Variants in NRXN3 observed in about 807,000 individuals in gnomAD.
NRXN3 encodes the protein neurexin III.
In NRXN3, 32 loss-of-function variants were observed where a neutral mutation model predicts 137.6. The ratio of observed to expected loss-of-function variants is 0.23; its 90% CI spans 0.18 to 0.31. NRXN3 has a LOEUF of 0.31. Ranked by LOEUF, NRXN3 falls within the 10% of genes least tolerant of loss-of-function variation. The pLI, the probability that NRXN3 is intolerant of heterozygous loss-of-function variation, is 1.00. For missense variants in NRXN3, 1,574 were observed against 2,062.5 expected (o/e 0.76, Z 4.59); for synonymous variants, 798 against 784.5 (o/e 1.02, Z -0.29).
Position 79,643,858 on chromosome 14 carries a change from C to G in NRXN3, c.3445-19920C>G, listed in dbSNP as rs1390094186. On this transcript the variant is annotated intron_variant, in intron 16 of 20. Coordinates refer to ENST00000335750, the MANE Select transcript of NRXN3 (RefSeq NM_001330195.2). ...AGCAGAACAACAATTTCTACTGAAA[C>G]CCTGTTGAATTTTGTCTCCATTATT... Among the ~76,000 whole-genome samples, 3 of 135,600 alleles carry G rather than the reference C, an allele frequency of 2.2e-5. 1 individual carries two copies. The highest frequency in any genetic ancestry group is 5.1e-5 in the Non-Finnish European group (3 of 58,368). 89.0% of individuals were successfully genotyped at this position (135,600 alleles called of 152,430 possible).
chr14:79,135,648 T>G (rs528975263), intron 15 of NRXN3, among the ~76,000 whole-genome samples: 86 of 152,346 alleles, frequency 5.6e-4, no homozygotes, highest in African/African-American at 1.8e-3. Flanking sequence ...GGACAGTTGT[T>G]GACTCTCATT....
At chr14:79,484,234 T>C (rs765738839) in intron 16 of NRXN3, among the ~76,000 whole-genome samples, 3 of 152,190 alleles carry the variant, frequency 2.0e-5, no homozygotes, top group Non-Finnish European at 4.4e-5. Context: ...CTTTTCTTTC[T>C]TCTCTCTTTT....
chr14:78,586,235 GGTTTTT>G (rs888127326), intron 4 of NRXN3, among the ~76,000 whole-genome samples: 8 of 152,220 alleles, frequency 5.3e-5, no homozygotes, highest in Non-Finnish European at 1.0e-4. Context: ...TTAGAGACAG[GGTTTTT>G]GTTTTTGTTT....
intron 2 of NRXN3, among the ~76,000 whole-genome samples, chr14:78,251,309 A>T (rs2068590278): frequency 6.6e-6 from 1 of 152,208 alleles, no homozygotes; most frequent in Middle Eastern, 3.4e-3. Context: ...CTTCTTGTCT[A>T]TTCCTTTGTG....
chr14:79,768,327 CACAA>C (rs2099063643), intron 19 of NRXN3, among the ~76,000 whole-genome samples: 2 of 152,240 alleles, frequency 1.3e-5, no homozygotes, highest in Admixed American at 1.3e-4. Flanking sequence ...GCAGGGCACA[CACAA>C]ACAAAAAGAC....
intron 4 of NRXN3, among the ~76,000 whole-genome samples, chr14:78,320,495 T>A (rs1277597161): frequency 6.6e-6 from 1 of 152,164 alleles, no homozygotes. Context: ...GGAAATTGAC[T>A]TGAGAATACT....
intron 8 of NRXN3, among the ~76,000 whole-genome samples, chr14:78,727,809 T>C (rs896405546): frequency 2.6e-5 from 4 of 152,184 alleles, no homozygotes; most frequent in Admixed American, 2.6e-4. Context: ...AAAATAGTCC[T>C]AGATTGAGTG....
In NRXN3 at chr14:79,008,903, C is replaced by T. The variant is rs973139054; in HGVS notation, c.3262+20762C>T. Among the ~76,000 whole-genome samples the T allele has an allele frequency of 2.1e-4, 32 of 152,030 alleles. 1 individual carries two copies. The highest frequency in any genetic ancestry group is 7.2e-4 in the African/African-American group (30 of 41,408). On this transcript the variant is annotated intron_variant, in intron 15 of 20. Coordinates refer to ENST00000335750, the MANE Select transcript of NRXN3 (RefSeq NM_001330195.2). ...TGAACTCCTGACCTCATGATCCACC[C>T]GCCTTGGCCTCCCAAAGTGCTAGGA...
At chr14:78,549,798 T>C (rs1410278004) in intron 4 of NRXN3, among the ~76,000 whole-genome samples, 1 of 152,222 alleles carries the variant, frequency 6.6e-6, no homozygotes, top group Non-Finnish European at 1.5e-5. Flanking sequence ...TAGTTTACTA[T>C]GCATTCATAG....
chr14:79,234,321 T>TA (rs1259434120), intron 15 of NRXN3, among the ~76,000 whole-genome samples: 4 of 113,774 alleles, frequency 3.5e-5, no homozygotes, highest in African/African-American at 1.5e-4. Flanking sequence ...TATATATATA[T>TA]ATATATATAT....
intron 15 of NRXN3, among the ~76,000 whole-genome samples, chr14:79,365,985 A>G (rs916165545): frequency 6.6e-6 from 1 of 152,106 alleles, no homozygotes; most frequent in Non-Finnish European, 1.5e-5. Flanking sequence ...GACTAGTACT[A>G]TGCTAGGGCA....
At chr14:79,747,598 T>C (rs2098983559) in intron 19 of NRXN3, among the ~76,000 whole-genome samples, 2 of 152,076 alleles carry the variant, frequency 1.3e-5, no homozygotes, top group African/African-American at 4.8e-5. Context: ...GTGTAGTAAA[T>C]GTGAGGAATT....
At chr14:79,274,623 A>G (rs930890929) in intron 15 of NRXN3, among the ~76,000 whole-genome samples, 3 of 84,750 alleles carry the variant, frequency 3.5e-5, no homozygotes, top group South Asian at 3.5e-4. Flanking sequence ...GTAAAAGAGA[A>G]AAAAAAAAAA....
chr14:79,050,761 C>T (rs917960592), intron 15 of NRXN3, among the ~76,000 whole-genome samples: 15 of 152,214 alleles, frequency 9.9e-5, no homozygotes, highest in Admixed American at 6.5e-4. Flanking sequence ...CGGCCTCAAG[C>T]CCCTGCCTCC....
At chr14:79,770,872 C>A (rs568333711) in intron 19 of NRXN3, among the ~76,000 whole-genome samples, 1 of 151,936 alleles carries the variant, frequency 6.6e-6, no homozygotes, top group African/African-American at 2.4e-5. Flanking sequence ...ATTGATAGAC[C>A]ACTAGCAAGA....
At chr14:78,356,110 G>A (rs1199278694) in intron 4 of NRXN3, among the ~76,000 whole-genome samples, 3 of 152,204 alleles carry the variant, frequency 2.0e-5, no homozygotes, top group African/African-American at 4.8e-5. Context: ...GCCAATTGTT[G>A]ACACAGAAAT....
At chr14:79,764,956 A>G (rs547812428) in intron 19 of NRXN3, among the ~76,000 whole-genome samples, 20 of 152,262 alleles carry the variant, frequency 1.3e-4, no homozygotes, top group Admixed American at 5.2e-4. Context: ...TTAAGGTACT[A>G]ATATTCTGAT....
rs150137867 is a variant in NRXN3, at chr14:79,182,118, A to C, written c.3262+193977A>C. On this transcript the variant is annotated intron_variant, in intron 15 of 20. Coordinates refer to ENST00000335750, the MANE Select transcript of NRXN3 (RefSeq NM_001330195.2). ...AAATGATCAATATCATGTTTAATTT[A>C]TTTTATGTCCTTATTAATACTTACT... 7.8e-3 allele frequency among the ~76,000 whole-genome samples: 1,181 copies of C among 152,152 alleles called. 3 individuals carry two copies. The highest frequency in any genetic ancestry group is 0.014 in the Middle Eastern group (4 of 294).
intron 4 of NRXN3, among the ~76,000 whole-genome samples, chr14:78,615,901 A>G (rs1014260148): frequency 6.6e-6 from 1 of 152,214 alleles, no homozygotes. Flanking sequence ...TTAAGGCTGA[A>G]GTAAGCTATG....
Sources: gnomAD v4.1 joint callset for allele counts (sites outside exome capture counted in the v4.1 genomes callset) on GRCh38, gnomAD v4.1.1 for gene constraint, MANE v1.5 for transcripts, NCBI Gene and HGNC (gene_info 2026-07-23, HGNC 2026-07-21) for gene names.